The following CHRM3 variants were observed in gnomAD, a reference collection of about 807,000 sequenced individuals.
The protein encoded by CHRM3 is muscarinic acetylcholine receptor M3.
In CHRM3, 11 loss-of-function variants were observed where a neutral mutation model predicts 41.8. The ratio of observed to expected loss-of-function variants is 0.26; its 90% CI spans 0.17 to 0.44. The LOEUF (loss-of-function observed/expected upper bound fraction) is 0.44, where lower values mean the gene tolerates loss of function less well. Among genes scored for constraint, CHRM3 ranks in the 20% least tolerant of loss-of-function variants. CHRM3 has a pLI of 1.00. For synonymous variants in CHRM3, 297 were observed against 301.4 expected, an observed-to-expected ratio of 0.99 and a Z score of 0.15; for missense variants, 571 against 745.4, an observed-to-expected ratio of 0.77 and a Z score of 2.72.
In CHRM3 at chr1:239,429,979, T is replaced by G. The variant is rs542372027; in HGVS notation, c.-521+42752T>G. Reference sequence around the variant, plus strand: ...AAATAAACACCCAGACAATCTTTTTTTTTTTTTTTGAGATGTCTTGTTCTA... The same window carrying G: ...AAATAAACACCCAGACAATCTTTTTGTTTTTTTTTGAGATGTCTTGTTCTA... On this transcript the variant is annotated intron_variant, in intron 1 of 6. Coordinates refer to ENST00000676153, the MANE Select transcript of CHRM3 (RefSeq NM_001375978.1). 6.0e-5 allele frequency among the ~76,000 whole-genome samples: 9 copies of G among 150,890 alleles called. No homozygotes were observed. The East Asian group carries it at 1.6e-3, about 26-fold the overall frequency.
At chr1:239,468,054 A>G (rs557594423) in intron 1 of CHRM3, among the ~76,000 whole-genome samples, 6 of 152,122 alleles carry the variant, frequency 3.9e-5, no homozygotes, top group Non-Finnish European at 8.8e-5. Flanking sequence ...AAAAGCTCCA[A>G]AACTTAGTCT....
intron 4 of CHRM3, among the ~76,000 whole-genome samples, chr1:239,671,514 C>A (rs1032317328): frequency 1.3e-5 from 2 of 152,098 alleles, no homozygotes; most frequent in Non-Finnish European, 2.9e-5. Context: ...GTGAAGCCTG[C>A]AGCAAGCCAG....
intron 5 of CHRM3, among the ~76,000 whole-genome samples, chr1:239,685,188 A>T (rs1359024916): frequency 5.9e-5 from 9 of 152,156 alleles, no homozygotes; most frequent in Non-Finnish European, 1.5e-5. Flanking sequence ...CCAGCCACAG[A>T]ACTCCAGCCG....
intron 1 of CHRM3, among the ~76,000 whole-genome samples, chr1:239,481,719 C>A (rs1666866466): frequency 6.6e-6 from 1 of 152,106 alleles, no homozygotes. Flanking sequence ...GATATTTGAA[C>A]AGCTAATTAC....
intron 5 of CHRM3, among the ~76,000 whole-genome samples, chr1:239,826,214 A>AT (rs1230795785): frequency 6.6e-6 from 1 of 152,160 alleles, no homozygotes; most frequent in Non-Finnish European, 1.5e-5. Flanking sequence ...TTTTACTACA[A>AT]TTTTTTAAAA....
At chr1:239,527,441 T>G (rs922921749) in intron 2 of CHRM3, among the ~76,000 whole-genome samples, 1 of 152,202 alleles carries the variant, frequency 6.6e-6, no homozygotes, top group African/African-American at 2.4e-5. Flanking sequence ...TCCCACTCAC[T>G]GCCATTTTTA....
chr1:239,392,766 T>C (rs752749091), intron 1 of CHRM3, among the ~76,000 whole-genome samples: 13 of 152,246 alleles, frequency 8.5e-5, no homozygotes, highest in Non-Finnish European at 1.5e-4. Flanking sequence ...GTCACTAAAC[T>C]GTAGGAAAAA....
intron 5 of CHRM3, among the ~76,000 whole-genome samples, chr1:239,814,250 C>A (rs143864603): frequency 6.6e-6 from 1 of 151,954 alleles, no homozygotes; most frequent in Non-Finnish European, 1.5e-5. Flanking sequence ...TAAATTCATG[C>A]GCATTACCTA....
At chr1:239,615,728 A>T (rs143749422) in intron 3 of CHRM3, among the ~76,000 whole-genome samples, 1 of 151,666 alleles carries the variant, frequency 6.6e-6, no homozygotes, top group East Asian at 1.9e-4. Context: ...TATCTCCATT[A>T]TCATAGTGCC....
At chr1:239,427,626 G>T (rs1558215840) in intron 1 of CHRM3, among the ~76,000 whole-genome samples, 1 of 152,020 alleles carries the variant, frequency 6.6e-6, no homozygotes, top group Non-Finnish European at 1.5e-5. Context: ...TCCTCCTGGG[G>T]CCCAGGGCAG....
intron 3 of CHRM3, among the ~76,000 whole-genome samples, chr1:239,589,135 T>C (rs796149775): frequency 5.3e-5 from 8 of 152,166 alleles, no homozygotes; most frequent in African/African-American, 1.9e-4. Flanking sequence ...GGTTTCACCA[T>C]GTTGGCCAAG....
chr1:239,501,575 G>T (rs1164502870), intron 2 of CHRM3, among the ~76,000 whole-genome samples: 1 of 152,166 alleles, frequency 6.6e-6, no homozygotes, highest in Non-Finnish European at 1.5e-5. Context: ...TTTCAAGTGG[G>T]CTGGGCGTGG....
At chr1:239,534,348 C>T (rs1049146468) in intron 2 of CHRM3, among the ~76,000 whole-genome samples, 2 of 152,126 alleles carry the variant, frequency 1.3e-5, no homozygotes, top group Non-Finnish European at 2.9e-5. Flanking sequence ...TTTAGGAGAA[C>T]GTGCATACTG....
At chr1:239,657,519 C>T (rs1340575333) in intron 4 of CHRM3, among the ~76,000 whole-genome samples, 6 of 152,188 alleles carry the variant, frequency 3.9e-5, no homozygotes, top group East Asian at 3.9e-4. Context: ...AGCAGTTATG[C>T]GCTTTGATGA....
chr1:239,771,790 G>A (rs916977187), intron 5 of CHRM3, among the ~76,000 whole-genome samples: 2 of 152,172 alleles, frequency 1.3e-5, no homozygotes, highest in African/African-American at 4.8e-5. Flanking sequence ...GCCACATTTG[G>A]CCTACAGGCC....
intron 4 of CHRM3, among the ~76,000 whole-genome samples, chr1:239,669,814 A>G (rs1674180211): frequency 6.6e-6 from 1 of 152,238 alleles, no homozygotes; most frequent in South Asian, 2.1e-4. Flanking sequence ...ATTCAAAAGC[A>G]GAGAGAATAC....
At chr1:239,474,932 A>C (rs1019193756) in intron 1 of CHRM3, among the ~76,000 whole-genome samples, 1 of 152,090 alleles carries the variant, frequency 6.6e-6, no homozygotes, top group African/African-American at 2.4e-5. Context: ...GAGACAGCTA[A>C]ATAAGTTTGC....
intron 5 of CHRM3, among the ~76,000 whole-genome samples, chr1:239,692,596 G>T (rs1241894401): frequency 6.6e-5 from 10 of 152,110 alleles, no homozygotes; most frequent in Non-Finnish European, 4.4e-5. Context: ...AAGAGGGTTT[G>T]CAGGATAATC....
intron 5 of CHRM3, among the ~76,000 whole-genome samples, chr1:239,689,131 A>G (rs1253984026): frequency 6.6e-6 from 1 of 151,892 alleles, no homozygotes; most frequent in Non-Finnish European, 1.5e-5. Flanking sequence ...ATACTACTAC[A>G]TTTATTTACA....
Sources: allele counts gnomAD v4.1 joint callset (sites outside exome capture counted in the v4.1 genomes callset), GRCh38; gene constraint gnomAD v4.1.1; transcripts MANE v1.5; gene names NCBI Gene and HGNC (gene_info 2026-07-23, HGNC 2026-07-21).